The following PCDH7 variants were observed in gnomAD, a reference collection of about 807,000 sequenced individuals.
PCDH7 encodes the protein protocadherin 7.
Under a neutral mutation model 58.9 loss-of-function variants are expected in PCDH7, and 17 were observed. That is an observed-to-expected ratio of 0.29 (90% CI 0.20 to 0.43). The LOEUF (loss-of-function observed/expected upper bound fraction) is 0.43, where lower values mean the gene tolerates loss of function less well. Ranked by LOEUF, PCDH7 falls within the 20% of genes least tolerant of loss-of-function variation. The probability of loss-of-function intolerance (pLI) is 1.00; values close to 1 mark genes in which losing one functional copy is unlikely to be tolerated. For missense variants in PCDH7, 1,274 were observed against 1,441.0 expected (o/e 0.88, Z 1.88); for synonymous variants, 664 against 616.4 (o/e 1.08, Z -1.14).
At chr4:30,976,399 C>CTT (rs370648622) in intron 3 of PCDH7, among the ~76,000 whole-genome samples, 41,661 of 113,300 alleles carry the variant, frequency 0.37, 9,587 homozygotes, top group African/African-American at 0.64. Context: ...CCATAAAATA[C>CTT]TTTTTTTTTT....
At chr4:30,881,074 C>T (rs1191013070) in intron 1 of PCDH7, among the ~76,000 whole-genome samples, 1 of 152,096 alleles carries the variant, frequency 6.6e-6, no homozygotes, top group Non-Finnish European at 1.5e-5. Flanking sequence ...TTTCCTGAAT[C>T]AAATTTGTTG....
chr4:31,027,327 C>G (rs1438626260), intron 3 of PCDH7, among the ~76,000 whole-genome samples: 3 of 152,076 alleles, frequency 2.0e-5, no homozygotes, highest in Admixed American at 1.3e-4. Context: ...GATACAGAAC[C>G]CTTCACTATT....
At chr4:30,950,351 TA>T (rs1578394440) in intron 3 of PCDH7, 1 of 152,430 alleles carries the variant, frequency 6.6e-6, no homozygotes, top group East Asian at 1.9e-4. Context: ...AACTTGAGTT[TA>T]TATGTTTCAC....
intron 1 of PCDH7, among the ~76,000 whole-genome samples, chr4:30,903,294 A>G (rs915041110): frequency 6.6e-6 from 1 of 152,170 alleles, no homozygotes; most frequent in Non-Finnish European, 1.5e-5. Context: ...AGCAAAAGAC[A>G]ATAGCTACAG....
intron 1 of PCDH7, among the ~76,000 whole-genome samples, chr4:30,781,270 A>G (rs1285368146): frequency 2.7e-5 from 4 of 149,620 alleles, no homozygotes; most frequent in Non-Finnish European, 5.9e-5. Context: ...CCTTCCGAGT[A>G]GCTGGGACTA....
intron 2 of PCDH7, among the ~76,000 whole-genome samples, chr4:30,941,150 A>T (rs142620885): frequency 1.1e-3 from 171 of 152,092 alleles, no homozygotes; most frequent in African/African-American, 3.9e-3. Flanking sequence ...TTTATTGTCA[A>T]AGAACAACTT....
chr4:30,731,103 A>C, exon 2 of PCDH7: 1 of 1,066,368 alleles, frequency 9.4e-7, no homozygotes, highest in Non-Finnish European at 1.1e-6. Flanking sequence ...ATCCAAAAGC[A>C]TATTGCAACA....
chr4:30,845,199 C>T (rs1231236182), intron 1 of PCDH7, among the ~76,000 whole-genome samples: 1 of 152,144 alleles, frequency 6.6e-6, no homozygotes, highest in Non-Finnish European at 1.5e-5. Flanking sequence ...GGTCTTATTA[C>T]ACAGTGGTTT....
At chr4:31,034,299 G>T (rs960647518) in intron 3 of PCDH7, among the ~76,000 whole-genome samples, 1 of 151,994 alleles carries the variant, frequency 6.6e-6, no homozygotes, top group Non-Finnish European at 1.5e-5. Flanking sequence ...TCTCTTTATA[G>T]AAAATTACCT....
At chr4:30,785,262 C>T (rs966053371) in intron 1 of PCDH7, among the ~76,000 whole-genome samples, 2 of 151,846 alleles carry the variant, frequency 1.3e-5, no homozygotes, top group African/African-American at 2.4e-5. Context: ...AAATAACGCA[C>T]GATATCAGAA....
chr4:30,931,095 G>C (rs977534387), intron 2 of PCDH7, among the ~76,000 whole-genome samples: 1 of 152,158 alleles, frequency 6.6e-6, no homozygotes, highest in Non-Finnish European at 1.5e-5. Flanking sequence ...GGATCATGTA[G>C]ATATTGATTA....
At chr4:30,960,747 C>T (rs1159592782) in intron 3 of PCDH7, among the ~76,000 whole-genome samples, 2 of 152,156 alleles carry the variant, frequency 1.3e-5, no homozygotes, top group Non-Finnish European at 2.9e-5. Context: ...GTTAAGAAGG[C>T]CTTTTCCATT....
intron 3 of PCDH7, among the ~76,000 whole-genome samples, chr4:31,053,625 A>C (rs1456259138): frequency 2.0e-5 from 3 of 152,124 alleles, no homozygotes; most frequent in Non-Finnish European, 2.9e-5. Flanking sequence ...TCTTCTGCTG[A>C]GTCATCTCTG....
At chr4:30,788,266 A>C (rs1723668081) in intron 1 of PCDH7, among the ~76,000 whole-genome samples, 1 of 152,158 alleles carries the variant, frequency 6.6e-6, no homozygotes, top group African/African-American at 2.4e-5. Flanking sequence ...AAGATAGTGA[A>C]TATTTAAAGC....
intron 3 of PCDH7, among the ~76,000 whole-genome samples, chr4:31,038,817 A>G (rs1013949972): frequency 6.6e-6 from 1 of 152,152 alleles, no homozygotes; most frequent in African/African-American, 2.4e-5. Flanking sequence ...ATATTTATCA[A>G]TGCTCTTACC....
At chr4:30,885,423 C>CTAA (rs1428777975) in intron 1 of PCDH7, among the ~76,000 whole-genome samples, 2 of 152,100 alleles carry the variant, frequency 1.3e-5, no homozygotes, top group African/African-American at 4.8e-5. Context: ...GGGCAAAACA[C>CTAA]TAATATTGGC....
At chr4:30,731,270 G>A in exon 2 of PCDH7, 2 of 456,310 alleles carry the variant, frequency 4.4e-6, no homozygotes, top group Non-Finnish European at 5.8e-6. Flanking sequence ...TTAGAGTGAA[G>A]GATAATATCT....
chr4:30,994,953 C>A (rs1397918359), intron 3 of PCDH7, among the ~76,000 whole-genome samples: 4 of 151,984 alleles, frequency 2.6e-5, no homozygotes, highest in African/African-American at 9.7e-5. Flanking sequence ...GTATTACAAG[C>A]ACACCAGATT....
At chr4:30,927,041 C>T (rs1267547959) in intron 2 of PCDH7, among the ~76,000 whole-genome samples, 1 of 152,056 alleles carries the variant, frequency 6.6e-6, no homozygotes, top group African/African-American at 2.4e-5. Flanking sequence ...CTTTGCTGAA[C>T]CCTTATGACA....
Sources: gnomAD v4.1 joint callset for allele counts (sites outside exome capture counted in the v4.1 genomes callset) on GRCh38, gnomAD v4.1.1 for gene constraint, MANE v1.5 for transcripts, NCBI Gene and HGNC (gene_info 2026-07-23, HGNC 2026-07-21) for gene names.